The following ADGRB3 variants were observed in gnomAD, a reference collection of about 807,000 sequenced individuals.
The protein encoded by ADGRB3 is brain-specific angiogenesis inhibitor 3.
Under a neutral mutation model 193.4 loss-of-function variants are expected in ADGRB3, and 37 were observed. That is an observed-to-expected ratio of 0.19 (90% CI 0.15 to 0.25). The LOEUF (loss-of-function observed/expected upper bound fraction) is 0.25. Ranked by LOEUF, ADGRB3 falls within the 10% of genes least tolerant of loss-of-function variation. The pLI, the probability that ADGRB3 is intolerant of heterozygous loss-of-function variation, is 1.00. For missense variants in ADGRB3, 1,637 were observed against 1,852.9 expected (o/e 0.88, Z 2.14); for synonymous variants, 690 against 644.2 (o/e 1.07, Z -1.08).
At chr6:68,993,623 C>A (rs1388765129) in intron 10 of ADGRB3, 145 bp from the exon 11 acceptor site, 5 of 813,062 alleles carry the variant, frequency 6.1e-6, no homozygotes, top group African/African-American at 3.4e-5. Flanking sequence ...GGGATACACA[C>A]AATTTACAGT....
chr6:69,266,146 AAAG>A, intron 20 of ADGRB3, among the ~76,000 whole-genome samples: 1 of 152,136 alleles, frequency 6.6e-6, no homozygotes, highest in East Asian at 1.9e-4. Flanking sequence ...TAAAAGGAGT[AAAG>A]AAGAAAAATA....
intron 8 of ADGRB3, among the ~76,000 whole-genome samples, chr6:68,964,029 G>A (rs1471131700): frequency 6.6e-6 from 1 of 152,030 alleles, no homozygotes; most frequent in Non-Finnish European, 1.5e-5. Context: ...AAAAGCATAT[G>A]AATAAAAAGT....
intron 3 of ADGRB3, among the ~76,000 whole-genome samples, chr6:68,836,878 A>T (rs1768056595): frequency 6.6e-6 from 1 of 152,178 alleles, no homozygotes; most frequent in Non-Finnish European, 1.5e-5. Context: ...TTATTCATGA[A>T]AATATGATGC....
chr6:69,019,340 A>G (rs1770191918), intron 13 of ADGRB3, among the ~76,000 whole-genome samples: 1 of 152,048 alleles, frequency 6.6e-6, no homozygotes, highest in African/African-American at 2.4e-5. Context: ...ATTTTGCCCT[A>G]TATTCGTATT....
At chr6:69,181,444 A>G (rs1186429966) in intron 17 of ADGRB3, among the ~76,000 whole-genome samples, 1 of 152,184 alleles carries the variant, frequency 6.6e-6, no homozygotes, top group Non-Finnish European at 1.5e-5. Flanking sequence ...TTTAAAACCT[A>G]TAAATGCACG....
chr6:68,650,577 A>G (rs561313127), intron 3 of ADGRB3, among the ~76,000 whole-genome samples: 55 of 152,274 alleles, frequency 3.6e-4, no homozygotes, highest in Middle Eastern at 6.8e-3. Context: ...TTAAAAATGG[A>G]AAGATGAAAA....
At chr6:69,310,163 C>A (rs1164194287) in intron 20 of ADGRB3, among the ~76,000 whole-genome samples, 2 of 151,702 alleles carry the variant, frequency 1.3e-5, no homozygotes, top group East Asian at 3.9e-4. Context: ...ACTTAATAGT[C>A]TTTCGGATTT....
chr6:69,285,185 T>C (rs2127288824), intron 20 of ADGRB3, among the ~76,000 whole-genome samples: 1 of 152,266 alleles, frequency 6.6e-6, no homozygotes, highest in East Asian at 1.9e-4. Context: ...AAAGAGAAAT[T>C]CTGCAAAAGG....
At chr6:68,662,620 C>T (rs1055900706) in intron 3 of ADGRB3, among the ~76,000 whole-genome samples, 1 of 150,986 alleles carries the variant, frequency 6.6e-6, no homozygotes, top group South Asian at 2.1e-4. Flanking sequence ...TTCTAGTGTC[C>T]GTACACAAAA....
intron 3 of ADGRB3, among the ~76,000 whole-genome samples, chr6:68,754,519 T>G (rs745576240): frequency 1.3e-5 from 2 of 152,214 alleles, no homozygotes; most frequent in Non-Finnish European, 2.9e-5. Context: ...TTGTATATTA[T>G]TTGTATTATT....
Position 69,154,924 on chromosome 6 carries a change from T to C in ADGRB3, c.2481-78366T>C, listed in dbSNP as rs1774790232. ...GCCCTTGCTACTTGCTAAGATAGCA[T>C]ATTCTTACAAGTGAAGACTGATTAG... On this transcript the variant is annotated intron_variant, in intron 17 of 31. Transcript: ENST00000370598. Among the ~76,000 whole-genome samples, 2 of 152,264 alleles carry C rather than the reference T, an allele frequency of 1.3e-5. 1 individual carries two copies. The highest frequency in any genetic ancestry group is 4.1e-4 in the South Asian group (2 of 4,838).
At chr6:69,153,854 A>G (rs920553913) in intron 17 of ADGRB3, among the ~76,000 whole-genome samples, 18 of 152,148 alleles carry the variant, frequency 1.2e-4, no homozygotes, top group African/African-American at 3.1e-4. Flanking sequence ...TTAGCCAGGC[A>G]TGGTGGCATG....
At chr6:69,044,046 A>C (rs1208963063) in intron 13 of ADGRB3, among the ~76,000 whole-genome samples, 1 of 152,064 alleles carries the variant, frequency 6.6e-6, no homozygotes, top group African/African-American at 2.4e-5. Flanking sequence ...GTCTCAAAAA[A>C]ACAAAAACAA....
At chr6:68,704,920 T>C (rs1286689871) in intron 3 of ADGRB3, among the ~76,000 whole-genome samples, 2 of 152,214 alleles carry the variant, frequency 1.3e-5, no homozygotes, top group African/African-American at 4.8e-5. Context: ...TTTAAACATA[T>C]CAGTCTCTAT....
At chr6:69,065,760 T>TACACACACACACACACACAC (rs1485700358) in intron 16 of ADGRB3, among the ~76,000 whole-genome samples, 3 of 118,202 alleles carry the variant, frequency 2.5e-5, no homozygotes, top group South Asian at 6.4e-4. Flanking sequence ...TTCATGTATA[T>TACACACACACACACACACAC]ATATACACAC....
At chr6:69,125,599 C>G (rs1773830403) in intron 17 of ADGRB3, among the ~76,000 whole-genome samples, 2 of 152,124 alleles carry the variant, frequency 1.3e-5, no homozygotes, top group Admixed American at 1.3e-4. Context: ...TCACCTTGAT[C>G]TTGAACTTCC....
intron 3 of ADGRB3, among the ~76,000 whole-genome samples, chr6:68,870,939 T>G (rs1281314039): frequency 1.3e-5 from 2 of 152,174 alleles, no homozygotes; most frequent in African/African-American, 4.8e-5. Flanking sequence ...TTCTGTGGCT[T>G]GACACTAATC....
intron 20 of ADGRB3, among the ~76,000 whole-genome samples, chr6:69,256,519 T>C (rs1766775744): frequency 6.6e-6 from 1 of 152,014 alleles, no homozygotes; most frequent in Non-Finnish European, 1.5e-5. Context: ...GTTATTGGTG[T>C]ATAAGAATGC....
At chr6:69,002,396 T>G (rs931843325) in intron 11 of ADGRB3, among the ~76,000 whole-genome samples, 4 of 152,092 alleles carry the variant, frequency 2.6e-5, no homozygotes, top group African/African-American at 7.2e-5. Flanking sequence ...TTTTTGTATT[T>G]TTAATAGACA....
Sources: allele counts gnomAD v4.1 joint callset (sites outside exome capture counted in the v4.1 genomes callset), GRCh38; gene constraint gnomAD v4.1.1; transcripts MANE v1.5; gene names NCBI Gene and HGNC (gene_info 2026-07-23, HGNC 2026-07-21).